Variants in TG observed in about 807,000 individuals in gnomAD.
TG encodes thyroglobulin.
In TG, 270 loss-of-function variants were observed where a neutral mutation model predicts 324.7. That is an observed-to-expected ratio of 0.83 (90% CI 0.75 to 0.92). The LOEUF (loss-of-function observed/expected upper bound fraction) is 0.92, where lower values mean the gene tolerates loss of function less well. TG is among the 40% of genes least tolerant of loss of function. TG has a pLI of 0.00. For synonymous variants in TG, 1,401 were observed against 1,327.0 expected (o/e 1.06, Z -1.21); for missense variants, 3,591 against 3,456.4 (o/e 1.04, Z -0.98).
chr8:133,006,673 G>A lies in TG; in HGVS notation c.6263-5228G>A, dbSNP rs145614227. On this transcript the variant is annotated intron_variant, in intron 35 of 47. Coordinates refer to ENST00000220616, the MANE Select transcript of TG (RefSeq NM_003235.5). ...CGTGGAGGCATATCCTTGCTAGACC[G>A]GAATATAGTTTTGGTCCTGTTTTCA... is the stretch of plus-strand genomic sequence containing the variant. Among the ~76,000 whole-genome samples the A allele has an allele frequency of 2.3e-3, 343 of 152,294 alleles. 3 individuals are homozygous for A. Among genetic ancestry groups the A allele is most frequent in the African/African-American group, 7.9e-3 (330 of 41,564 alleles).
intron 3 of TG, among the ~76,000 whole-genome samples, chr8:132,870,410 C>G (rs553382849): frequency 6.7e-6 from 1 of 148,320 alleles, no homozygotes; most frequent in Non-Finnish European, 1.5e-5. Flanking sequence ...GCCCCATACT[C>G]TCCTGCTGTG....
chr8:133,038,700 C>G, intron 41 of TG: 1 of 1,614,090 alleles, frequency 6.2e-7, no homozygotes, highest in Non-Finnish European at 8.5e-7. Context: ...TCGTCTACCC[C>G]AAGCGGGTTC....
intron 41 of TG, among the ~76,000 whole-genome samples, chr8:133,075,675 A>G (rs780384948): frequency 2.2e-4 from 34 of 152,286 alleles, no homozygotes; most frequent in South Asian, 4.1e-4. Context: ...CTGCATCCCT[A>G]TATCTACAGC....
chr8:133,045,996 T>C (rs564393590), intron 41 of TG, among the ~76,000 whole-genome samples: 3 of 152,342 alleles, frequency 2.0e-5, no homozygotes, highest in African/African-American at 7.2e-5. Flanking sequence ...TGAGTCATCT[T>C]TCTGGGTATC....
At chr8:133,094,487 ACC>A in intron 41 of TG, 1 of 179,592 alleles carries the variant, frequency 5.6e-6, no homozygotes, top group Admixed American at 5.3e-5. Context: ...TGATCCGCCC[ACC>A]TCAGCCTCCC....
intron 35 of TG, among the ~76,000 whole-genome samples, chr8:132,990,531 G>A (rs7844649): frequency 0.011 from 1,707 of 148,938 alleles, 34 homozygotes; most frequent in African/African-American, 0.04. Context: ...CATTTTTCCC[G>A]TCCCCCTGGA....
intron 34 of TG, among the ~76,000 whole-genome samples, chr8:132,974,853 G>A (rs968480374): frequency 1.3e-5 from 2 of 152,116 alleles, no homozygotes; most frequent in African/African-American, 4.8e-5. Context: ...CCCATTCCCT[G>A]TGTGTGCCTC....
intron 41 of TG, among the ~76,000 whole-genome samples, chr8:133,030,454 G>T (rs1049086267): frequency 6.6e-6 from 1 of 152,114 alleles, no homozygotes; most frequent in African/African-American, 2.4e-5. Flanking sequence ...AATGATGTTG[G>T]TGATGATACA....
At chr8:132,983,242 T>C in intron 34 of TG, 108 bp from the exon 35 acceptor site, 1 of 1,256,244 alleles carries the variant, frequency 8.0e-7, no homozygotes, top group African/African-American at 1.5e-5. Flanking sequence ...CTGTCTGCCT[T>C]CCAAGTCCAA....
intron 21 of TG, among the ~76,000 whole-genome samples, chr8:132,920,281 A>G (rs573948464): frequency 6.6e-6 from 1 of 152,278 alleles, no homozygotes; most frequent in South Asian, 2.1e-4. Flanking sequence ...CTTGTTGTGC[A>G]TCTCTTCTTG....
intron 45 of TG, among the ~76,000 whole-genome samples, chr8:133,117,695 A>G (rs1032559581): frequency 7.2e-5 from 11 of 152,240 alleles, no homozygotes; most frequent in African/African-American, 2.4e-4. Flanking sequence ...CAGGGAACAC[A>G]TGTCTCCAAA....
chr8:132,924,130 T>C (rs1305503679), intron 22 of TG, among the ~76,000 whole-genome samples: 3 of 151,776 alleles, frequency 2.0e-5, no homozygotes, highest in Non-Finnish European at 4.4e-5. Context: ...ATGGTCCCAT[T>C]TGGGGGTGAT....
Position 132,881,856 on chromosome 8 carries a change from C to T in TG, c.639-7C>T, listed in dbSNP as rs771713230. The T allele has an allele frequency of 2.5e-6, 4 of 1,600,462 alleles. No homozygotes were observed. Among genetic ancestry groups the T allele is most frequent in the Non-Finnish European group, 3.4e-6 (4 of 1,167,472 alleles). ...GAATGGTGACCGTAAATCTCATTCT[C>T]TCCAAGGTTTCCAGATGCATTTGTG... On this transcript the variant is annotated splice_region_variant and splice_polypyrimidine_tract_variant and intron_variant, in intron 5 of 47. Coordinates refer to ENST00000220616, the MANE Select transcript of TG (RefSeq NM_003235.5).
intron 41 of TG, among the ~76,000 whole-genome samples, chr8:133,055,940 A>G (rs1346464194): frequency 2.0e-5 from 3 of 151,946 alleles, no homozygotes; most frequent in Non-Finnish European, 4.4e-5. Context: ...TGAAGTCCTC[A>G]CGCCTCCCTG....
At chr8:132,906,450 G>A (rs1818693738) in intron 16 of TG, among the ~76,000 whole-genome samples, 1 of 152,128 alleles carries the variant, frequency 6.6e-6, no homozygotes, top group African/African-American at 2.4e-5. Context: ...CAAGCTACAC[G>A]AGACATTCAT....
intron 35 of TG, chr8:133,003,081 C>G: frequency 9.5e-7 from 1 of 1,050,888 alleles, no homozygotes; most frequent in Non-Finnish European, 1.2e-6. Context: ...GTCATTTTGG[C>G]GAATTACTGG....
chr8:132,883,449 T>C (rs776531594), intron 8 of TG, among the ~76,000 whole-genome samples: 4 of 151,972 alleles, frequency 2.6e-5, no homozygotes, highest in Non-Finnish European at 5.9e-5. Flanking sequence ...GTTCTCTATA[T>C]AGAGAGCAGG....
intron 15 of TG, 81 bp downstream of exon 15, chr8:132,900,420 G>A: frequency 3.8e-6 from 5 of 1,300,884 alleles, no homozygotes; most frequent in Non-Finnish European, 5.4e-6. Context: ...CTGGCTTCGT[G>A]TCCCAGCTCT....
chr8:133,022,025 A>G lies in TG; in HGVS notation c.6911A>G (p.Asn2304Ser). ...PNASVLVFFH[N>S]TMDREESEGW... ...GCGTCTGTGCTGGTGTTCTTCCACAACACCATGGACAGGGAGGAGAGTGAA... is the reference window on the plus strand; with the variant it reads ...GCGTCTGTGCTGGTGTTCTTCCACAGCACCATGGACAGGGAGGAGAGTGAA... The change falls in exon 40 of 48, where the codon AAC becomes AGC. Residue 2304 changes from asparagine to serine, a missense_variant. Physicochemically the swap from Asn to Ser is conservative, Grantham distance 46. Transcript: ENST00000220616. 6.2e-7 allele frequency: 1 copy of G among 1,614,138 alleles called. No homozygotes were observed. The highest frequency in any genetic ancestry group is 2.2e-5 in the East Asian group (1 of 44,872).
Sources: gnomAD v4.1 joint callset for allele counts (sites outside exome capture counted in the v4.1 genomes callset) on GRCh38, gnomAD v4.1.1 for gene constraint, MANE v1.5 for transcripts, NCBI Gene and HGNC (gene_info 2026-07-23, HGNC 2026-07-21) for gene names.